METTL15: variants seen among roughly 807,000 people sequenced by gnomAD.
The protein encoded by METTL15 is methyltransferase 15, mitochondrial 12S rRNA N4-cytidine, also known as 12S rRNA N(4)-cytidine methyltransferase METTL15.
In METTL15, 34 loss-of-function variants were observed where a neutral mutation model predicts 38.3. That is an observed-to-expected ratio of 0.89 (90% confidence interval 0.68 to 1.18). The LOEUF is 1.18. METTL15 is among the 50% of genes most tolerant of loss of function. The probability of loss-of-function intolerance (pLI) is 0.00; values close to 1 mark genes in which losing one functional copy is unlikely to be tolerated. For missense variants in METTL15, 438 were observed against 498.4 expected, an observed-to-expected ratio of 0.88 and a Z score of 1.15; for synonymous variants, 162 against 170.9, an observed-to-expected ratio of 0.95 and a Z score of 0.41.
intron 3 of METTL15, among the ~76,000 whole-genome samples, chr11:28,152,203 A>G (rs1015875114): frequency 3.3e-5 from 5 of 151,866 alleles, no homozygotes; most frequent in Middle Eastern, 3.4e-3. Context: ...GAAATGATAT[A>G]ATTAGTTTTA....
intron 6 of METTL15, among the ~76,000 whole-genome samples, chr11:28,488,116 A>G (rs1851453170): frequency 6.6e-6 from 1 of 152,132 alleles, no homozygotes. Flanking sequence ...AGCAATGAAA[A>G]TATGCTTATT....
Position 28,266,089 on chromosome 11 carries a change from G to A in METTL15, c.408-24117G>A, listed in dbSNP as rs138280753. Reference sequence around the variant, plus strand: ...TGCTGGAGAGGATGTGGAGAAATAGGAACACTTTTACACTGTTGGTGGGAC... The same window carrying A: ...TGCTGGAGAGGATGTGGAGAAATAGAAACACTTTTACACTGTTGGTGGGAC... On this transcript the variant is annotated intron_variant, in intron 4 of 6. Coordinates refer to ENST00000407364, the MANE Select transcript of METTL15 (RefSeq NM_001113528.2). Among the ~76,000 whole-genome samples, 660 of 152,248 alleles carry A rather than the reference G, an allele frequency of 4.3e-3. 8 individuals carry two copies. The highest frequency in any genetic ancestry group is 0.014 in the African/African-American group (597 of 41,530).
chr11:28,513,270 G>T (rs1851691294), intron 6 of METTL15, among the ~76,000 whole-genome samples: 2 of 152,148 alleles, frequency 1.3e-5, no homozygotes, highest in African/African-American at 4.8e-5. Context: ...TATTTTTTAG[G>T]CGGGAGACAT....
intron 6 of METTL15, among the ~76,000 whole-genome samples, chr11:28,301,828 A>G (rs1174669391): frequency 2.0e-5 from 3 of 152,138 alleles, no homozygotes; most frequent in Admixed American, 6.6e-5. Flanking sequence ...TGACTTTTGT[A>G]CTAATTACTG....
chr11:28,442,603 C>T (rs773530590), intron 6 of METTL15, among the ~76,000 whole-genome samples: 4 of 152,064 alleles, frequency 2.6e-5, no homozygotes, highest in Non-Finnish European at 5.9e-5. Context: ...CTTTACATTG[C>T]AAAATGCAAA....
chr11:28,246,600 T>C (rs1468160185), intron 4 of METTL15, among the ~76,000 whole-genome samples: 2 of 152,152 alleles, frequency 1.3e-5, no homozygotes, highest in African/African-American at 4.8e-5. Flanking sequence ...TTACCTATTA[T>C]GGGCCAAAGT....
At chr11:28,409,936 TTACAAAGATACATGAGAAA>T (rs1252648882) in intron 5 of METTL15, among the ~76,000 whole-genome samples, 2 of 151,778 alleles carry the variant, frequency 1.3e-5, no homozygotes, top group African/African-American at 2.4e-5. Context: ...AATGGAGACA[TTACAAAGATACATGAGAAA>T]TACAAAGAAT....
At chr11:28,464,901 G>T (rs1851244234) in intron 6 of METTL15, among the ~76,000 whole-genome samples, 1 of 152,186 alleles carries the variant, frequency 6.6e-6, no homozygotes, top group Admixed American at 6.5e-5. Context: ...CAAGAACAAT[G>T]TCTTGGATTT....
chr11:28,434,421 G>T (rs553472839), intron 6 of METTL15, among the ~76,000 whole-genome samples: 3 of 152,268 alleles, frequency 2.0e-5, no homozygotes, highest in Non-Finnish European at 4.4e-5. Context: ...TCTGACCAAG[G>T]CTATTTTCAA....
chr11:28,526,520 G>C (rs548505415), exon 7 of METTL15: 1 of 152,318 alleles, frequency 6.6e-6, no homozygotes, highest in South Asian at 2.1e-4. Flanking sequence ...CATAGCTTCT[G>C]GTGAGTAATC....
chr11:28,470,982 A>G (rs932608449), intron 6 of METTL15, among the ~76,000 whole-genome samples: 1 of 152,112 alleles, frequency 6.6e-6, no homozygotes, highest in African/African-American at 2.4e-5. Flanking sequence ...GCCTAAAACA[A>G]CAACAACTTC....
chr11:28,267,993 C>A (rs1331312276), intron 4 of METTL15, among the ~76,000 whole-genome samples: 1 of 151,628 alleles, frequency 6.6e-6, no homozygotes, highest in Admixed American at 6.6e-5. Flanking sequence ...GTCAGGAGAT[C>A]GAGACCATCC....
chr11:28,430,747 G>A (rs1401266067), intron 6 of METTL15, among the ~76,000 whole-genome samples: 1 of 114,028 alleles, frequency 8.8e-6, no homozygotes, highest in Non-Finnish European at 1.9e-5. Flanking sequence ...CCTCCGCCTG[G>A]CCAGCCGCCC....
chr11:28,384,079 T>C (rs1326859090), intron 5 of METTL15, among the ~76,000 whole-genome samples: 3 of 152,154 alleles, frequency 2.0e-5, no homozygotes, highest in Non-Finnish European at 4.4e-5. Context: ...TCTATCACTG[T>C]GTTAGTTTGC....
intron 3 of METTL15, among the ~76,000 whole-genome samples, chr11:28,339,759 C>A (rs1268397157): frequency 6.6e-6 from 1 of 151,524 alleles, no homozygotes; most frequent in Non-Finnish European, 1.5e-5. Flanking sequence ...AAACCTGCTG[C>A]AAATCAAAGT....
intron 5 of METTL15, among the ~76,000 whole-genome samples, chr11:28,421,396 GAC>G (rs2133421411): frequency 6.6e-6 from 1 of 151,726 alleles, no homozygotes; most frequent in South Asian, 2.1e-4. Flanking sequence ...CAAAACAAAA[GAC>G]ACACCAAAAA....
intron 4 of METTL15, among the ~76,000 whole-genome samples, chr11:28,211,629 T>C (rs1032790362): frequency 1.3e-5 from 2 of 152,072 alleles, no homozygotes; most frequent in African/African-American, 2.4e-5. Flanking sequence ...CTTTGAATTT[T>C]CTGAAATTCA....
intron 4 of METTL15, among the ~76,000 whole-genome samples, chr11:28,229,031 T>A (rs529412388): frequency 6.6e-6 from 1 of 151,954 alleles, no homozygotes; most frequent in Non-Finnish European, 1.5e-5. Flanking sequence ...TGACTTAATC[T>A]TTCTATGTCT....
chr11:28,478,392 C>T (rs935694775), intron 6 of METTL15, among the ~76,000 whole-genome samples: 2 of 152,156 alleles, frequency 1.3e-5, no homozygotes, highest in Non-Finnish European at 2.9e-5. Context: ...ACAATTTTCA[C>T]CCCATCACTC....
Sources: gnomAD v4.1 joint callset for allele counts (sites outside exome capture counted in the v4.1 genomes callset) on GRCh38, gnomAD v4.1.1 for gene constraint, MANE v1.5 for transcripts, NCBI Gene and HGNC (gene_info 2026-07-23, HGNC 2026-07-21) for gene names.